The following SVOPL variants were observed in gnomAD, a reference collection of about 807,000 sequenced individuals.
The protein encoded by SVOPL is SVOP like, also known as putative transporter SVOPL.
SVOPL carries 60 observed loss-of-function variants against 61.0 expected under a neutral mutation model. The observed-to-expected ratio is 0.98, with a 90% CI of 0.80 to 1.22. The LOEUF is 1.22. Among genes scored for constraint, SVOPL ranks in the 50% most tolerant of loss-of-function variants. SVOPL has a pLI of 0.00. For synonymous variants in SVOPL, 279 were observed against 250.0 expected (o/e 1.12, Z -1.09); for missense variants, 662 against 643.9 (o/e 1.03, Z -0.30).
At chr7:138,601,969 A>T (rs1798544290) in intron 14 of SVOPL, among the ~76,000 whole-genome samples, 1 of 152,228 alleles carries the variant, frequency 6.6e-6, no homozygotes, top group Admixed American at 6.5e-5. Flanking sequence ...CTAGTATGTA[A>T]CTTCAAAGAA....
At chr7:138,664,454 G>T (rs1193248887) in intron 4 of SVOPL, among the ~76,000 whole-genome samples, 1 of 147,952 alleles carries the variant, frequency 6.8e-6, no homozygotes, top group Non-Finnish European at 1.5e-5. Flanking sequence ...CAGCAGGCGG[G>T]CGCCTAACCC....
At chr7:138,601,423 G>A (rs60367633) in intron 14 of SVOPL, among the ~76,000 whole-genome samples, 12,578 of 151,902 alleles carry the variant, frequency 0.083, 738 homozygotes, top group African/African-American at 0.16. Flanking sequence ...AGAAGAGTCC[G>A]CCTTGAAAAA....
At chr7:138,624,584 A>T (rs1200459443) in intron 13 of SVOPL, among the ~76,000 whole-genome samples, 1 of 152,202 alleles carries the variant, frequency 6.6e-6, no homozygotes, top group Non-Finnish European at 1.5e-5. Context: ...ACAAAAAGTC[A>T]TCTTGATATA....
At chr7:138,632,313 A>G (rs576123248) in intron 9 of SVOPL, among the ~76,000 whole-genome samples, 2 of 152,336 alleles carry the variant, frequency 1.3e-5, no homozygotes, top group South Asian at 4.1e-4. Context: ...ACGCACCTGT[A>G]ATCCCAGCTG....
Position 138,596,409 on chromosome 7 carries a change from T to A in SVOPL, c.1467+8A>T. ...TGAAAAGACTTCAGAGTTCCCTGCA[T>A]CACTCACCTGGAGGGCCCGTCCTTT... On this transcript the variant is annotated splice_region_variant and intron_variant, in intron 15 of 15. Coordinates refer to ENST00000674285, the MANE Select transcript of SVOPL (RefSeq NM_001139456.2). 1 of 1,613,308 alleles carries A rather than the reference T, an allele frequency of 6.2e-7. No homozygotes were observed. The highest frequency in any genetic ancestry group is 8.5e-7 in the Non-Finnish European group (1 of 1,179,510).
At chr7:138,631,386 T>C (rs1437297071) in intron 9 of SVOPL, among the ~76,000 whole-genome samples, 1 of 152,178 alleles carries the variant, frequency 6.6e-6, no homozygotes, top group Non-Finnish European at 1.5e-5. Flanking sequence ...GAGTAAGTTA[T>C]TAACTATAGC....
At chr7:138,658,116 GGGT>G (rs1444221260) in intron 6 of SVOPL, among the ~76,000 whole-genome samples, 5 of 152,138 alleles carry the variant, frequency 3.3e-5, no homozygotes, top group Non-Finnish European at 7.4e-5. Flanking sequence ...TTTATCAGCG[GGGT>G]GTCTTGTGAT....
intron 14 of SVOPL, among the ~76,000 whole-genome samples, chr7:138,613,305 C>G (rs1043004602): frequency 2.0e-5 from 3 of 152,158 alleles, no homozygotes; most frequent in African/African-American, 7.2e-5. Context: ...CAGGCATGAG[C>G]CACCGTGACA....
At position 138,596,512 on chromosome 7, in the gene SVOPL, T is replaced by C. The variant is rs748407679; in HGVS notation, c.1372A>G (p.Ile458Val). 13 of 1,613,754 alleles carry C rather than the reference T, an allele frequency of 8.1e-6. No individual in the cohort carries two copies. The highest frequency in any genetic ancestry group is 4.5e-5 in the East Asian group (2 of 44,858). The change falls in exon 15 of 16, where the codon ATA becomes GTA. Residue 458 changes from isoleucine (I) to valine (V), a missense_variant. Transcript: ENST00000674285. ...FISQVLMSAS[I>V]LGALCLFSSV... ...GAGAAGAGACACAGGGCCCCCAGTA[T>C]TGATGCACTCATAAGAACCTGCAAG...
chr7:138,597,106 T>C, intron 14 of SVOPL: 1 of 1,264,682 alleles, frequency 7.9e-7, no homozygotes, highest in Non-Finnish European at 1.0e-6. Context: ...ACACATGCTT[T>C]GGCCTGGATC....
chr7:138,594,678 C>A, intron 15 of SVOPL, 57 bp from the exon 16 acceptor site: 1 of 1,280,922 alleles, frequency 7.8e-7, no homozygotes, highest in Non-Finnish European at 1.1e-6. Flanking sequence ...CTTGTCCATT[C>A]ATACTGAGCT....
At chr7:138,678,781 G>C (rs1241855305) in intron 2 of SVOPL, among the ~76,000 whole-genome samples, 183 bp downstream of exon 2, 1 of 152,154 alleles carries the variant, frequency 6.6e-6, no homozygotes, top group African/African-American at 2.4e-5. Context: ...ATGTTGGCCA[G>C]GCAGGTCCCA....
rs35627200 is a variant in SVOPL, at chr7:138,624,693, CTTT to C, written c.1263+1273_1263+1275del. 7.2e-5 allele frequency among the ~76,000 whole-genome samples: 10 copies of C among 138,056 alleles called. No homozygotes were observed. The East Asian group carries it at 1.8e-3, about 25-fold the overall frequency. The allele number at this position is 138,056 out of a possible 152,430, so 90.6% of individuals were successfully genotyped here. On this transcript the variant is annotated intron_variant, in intron 13 of 15. Transcript: ENST00000674285. ...TCTATTCTATAGCCCTAGAACCAAA[CTTT>C]TTTTTTTTTTTTTAATTTAGAGACA...
intron 4 of SVOPL, among the ~76,000 whole-genome samples, chr7:138,667,723 A>G (rs1802304439): frequency 6.6e-6 from 1 of 152,170 alleles, no homozygotes; most frequent in African/African-American, 2.4e-5. Context: ...AGATGTTTCC[A>G]TAGCTGGTGT....
At chr7:138,621,922 C>CTATG (rs1799605909) in intron 13 of SVOPL, among the ~76,000 whole-genome samples, 1 of 47,026 alleles carries the variant, frequency 2.1e-5, no homozygotes. Flanking sequence ...ATCTATGTAT[C>CTATG]TATCTATGTA....
Position 138,678,962 on chromosome 7 carries a change from A to G in SVOPL, c.82+2T>C. ...AGCTGGAGACTTCTATGATAATCTC[A>G]CCTTTAACCTGTGGCTCTGCGGTCC... On this transcript the variant is annotated splice_donor_variant, in intron 2 of 15. Coordinates refer to ENST00000674285, the MANE Select transcript of SVOPL (RefSeq NM_001139456.2). LOFTEE classifies it high-confidence loss of function. 6.4e-7 allele frequency: 1 copy of G among 1,551,010 alleles called. No homozygotes were observed. Among genetic ancestry groups the G allele is most frequent in the Non-Finnish European group, 8.7e-7 (1 of 1,146,596 alleles).
At chr7:138,608,040 CTAGGAA>C (rs1423210090) in intron 14 of SVOPL, among the ~76,000 whole-genome samples, 1 of 151,916 alleles carries the variant, frequency 6.6e-6, no homozygotes, top group African/African-American at 2.4e-5. Flanking sequence ...CATAAGATGC[CTAGGAA>C]TAAACATAGC....
At chr7:138,622,148 ATGTATCTATCTGTCTATGTATCTATCTG>A (rs1799659121) in intron 13 of SVOPL, among the ~76,000 whole-genome samples, 27 of 129,032 alleles carry the variant, frequency 2.1e-4, no homozygotes, top group African/African-American at 2.6e-4. Flanking sequence ...GTATCTATCT[ATGTATCTATCTGTCTATGTATCTATCTG>A]TCTATGTATC....
In SVOPL at chr7:138,643,223, G is replaced by A. The variant is rs140112551; in HGVS notation, c.789+1494C>T. Among the ~76,000 whole-genome samples the A allele has an allele frequency of 2.7e-3, 409 of 151,820 alleles. 2 individuals carry two copies. The highest frequency in any genetic ancestry group is 8.9e-3 in the African/African-American group (369 of 41,418). ...GGGCGGATCACGAGGTCAGGAAATC[G>A]AGACCATCCTGGTCAACATGGTGAA... On this transcript the variant is annotated intron_variant, in intron 9 of 15. Transcript: ENST00000674285.
Sources: gnomAD v4.1 joint callset for allele counts (sites outside exome capture counted in the v4.1 genomes callset) on GRCh38, gnomAD v4.1.1 for gene constraint, MANE v1.5 for transcripts, NCBI Gene and HGNC (gene_info 2026-07-23, HGNC 2026-07-21) for gene names.